Variants in HDAC9 observed in about 807,000 individuals in gnomAD.
The protein encoded by HDAC9 is histone deacetylase 9, also known as MEF-2 interacting transcription repressor (MITR) protein.
In HDAC9, 41 loss-of-function variants were observed where a neutral mutation model predicts 139.4. That is an observed-to-expected ratio of 0.29 (90% CI 0.23 to 0.38). The LOEUF (loss-of-function observed/expected upper bound fraction) is 0.38. HDAC9 is among the 10% of genes least tolerant of loss of function. The pLI is 1.00. For synonymous variants in HDAC9, 517 were observed against 476.2 expected, an observed-to-expected ratio of 1.09 and a Z score of -1.12; for missense variants, 1,147 against 1,297.0, an observed-to-expected ratio of 0.88 and a Z score of 1.78.
At chr7:18,875,692 G>A (rs1433645458) in intron 22 of HDAC9, among the ~76,000 whole-genome samples, 1 of 152,122 alleles carries the variant, frequency 6.6e-6, no homozygotes, top group Non-Finnish European at 1.5e-5. Context: ...CATGATTTTG[G>A]TAAAATTGAA....
chr7:18,787,060 T>C (rs1791886528), intron 16 of HDAC9, among the ~76,000 whole-genome samples: 1 of 152,104 alleles, frequency 6.6e-6, no homozygotes, highest in Admixed American at 6.5e-5. Flanking sequence ...TTTTAGAGGG[T>C]TTAAAATGTT....
chr7:18,228,367 A>G (rs1391326593), intron 2 of HDAC9, among the ~76,000 whole-genome samples: 3 of 151,928 alleles, frequency 2.0e-5, no homozygotes, highest in Non-Finnish European at 4.4e-5. Context: ...TGGTAGGTAC[A>G]TACTCTTTTG....
At chr7:18,740,102 T>G (rs1787308280) in intron 13 of HDAC9, among the ~76,000 whole-genome samples, 1 of 152,216 alleles carries the variant, frequency 6.6e-6, no homozygotes, top group Admixed American at 6.5e-5. Context: ...TCTCCTCGTC[T>G]GCCGATTGCT....
At chr7:18,533,501 T>G (rs1586752460) in intron 2 of HDAC9, among the ~76,000 whole-genome samples, 1 of 152,338 alleles carries the variant, frequency 6.6e-6, no homozygotes, top group East Asian at 1.9e-4. Flanking sequence ...TGACTGGGCA[T>G]AGAACCCTTG....
At chr7:18,213,510 G>A (rs541431203) in intron 2 of HDAC9, among the ~76,000 whole-genome samples, 8 of 152,150 alleles carry the variant, frequency 5.3e-5, no homozygotes, top group Admixed American at 3.9e-4. Flanking sequence ...TTTTATGATC[G>A]TATTCTTTGA....
At chr7:18,692,282 T>C (rs1562856591) in intron 12 of HDAC9, among the ~76,000 whole-genome samples, 1 of 152,098 alleles carries the variant, frequency 6.6e-6, no homozygotes, top group Non-Finnish European at 1.5e-5. Flanking sequence ...TCACATTCTA[T>C]GTAAGCTTTG....
chr7:18,414,375 T>C (rs1788851579), intron 1 of HDAC9, among the ~76,000 whole-genome samples: 1 of 151,332 alleles, frequency 6.6e-6, no homozygotes, highest in South Asian at 2.1e-4. Context: ...ACATGTCTGC[T>C]CCTTACTCAT....
intron 11 of HDAC9, among the ~76,000 whole-genome samples, chr7:18,659,124 C>T (rs767312616): frequency 6.6e-6 from 1 of 151,982 alleles, no homozygotes; most frequent in East Asian, 1.9e-4. Context: ...TGATCCTGTT[C>T]TTAGTTGATA....
chr7:18,776,038 C>A (rs906611920), intron 16 of HDAC9, among the ~76,000 whole-genome samples: 7 of 151,996 alleles, frequency 4.6e-5, no homozygotes, highest in African/African-American at 1.7e-4. Context: ...CTCCAAAGAT[C>A]CTCTTGCTTG....
At chr7:18,568,580 G>A (rs1293072144) in intron 2 of HDAC9, among the ~76,000 whole-genome samples, 1 of 152,152 alleles carries the variant, frequency 6.6e-6, no homozygotes, top group African/African-American at 2.4e-5. Context: ...TATCAATCTA[G>A]TGAAAATACT....
At chr7:18,980,784 T>C (rs1030288891) in intron 25 of HDAC9, among the ~76,000 whole-genome samples, 1 of 147,694 alleles carries the variant, frequency 6.8e-6, no homozygotes, top group Non-Finnish European at 1.5e-5. Context: ...CTTCCTCTTC[T>C]TCTTCTTCCT....
chr7:18,378,025 A>C (rs1785130078), intron 1 of HDAC9, among the ~76,000 whole-genome samples: 1 of 152,186 alleles, frequency 6.6e-6, no homozygotes, highest in Admixed American at 6.5e-5. Flanking sequence ...GTAAACCTAG[A>C]AACTTGGAAA....
Position 18,434,014 on chromosome 7 carries a change from T to C in HDAC9, c.-41-62248T>C, listed in dbSNP as rs1331547559. Among the ~76,000 whole-genome samples the C allele has an allele frequency of 6.6e-5, 10 of 152,116 alleles. 1 individual carries two copies. The highest frequency in any genetic ancestry group is 2.4e-4 in the African/African-American group (10 of 41,426). On this transcript the variant is annotated intron_variant, in intron 1 of 3. Coordinates refer to the HDAC9 transcript ENST00000413509. The stretch of plus-strand genomic sequence containing the variant: ...GAAAGCATCATTACCTGCTTTAAAC[T>C]ATGTGACAGGCTGCAGTATCCAAAA...
intron 16 of HDAC9, among the ~76,000 whole-genome samples, chr7:18,773,344 T>C (rs977034731): frequency 6.7e-6 from 1 of 150,248 alleles, no homozygotes; most frequent in African/African-American, 2.4e-5. Flanking sequence ...CCATAAGACC[T>C]ATTTTTTTAA....
intron 2 of HDAC9, among the ~76,000 whole-genome samples, chr7:18,575,663 G>A (rs1231064384): frequency 6.6e-6 from 1 of 152,204 alleles, no homozygotes. Flanking sequence ...TGCCAGAAAT[G>A]TGTTAACTTA....
intron 18 of HDAC9, 54 bp downstream of exon 18, chr7:18,829,270 C>A: frequency 5.8e-6 from 8 of 1,391,104 alleles, no homozygotes; most frequent in Non-Finnish European, 8.2e-6. Context: ...CTGGCGGTCA[C>A]CTGCCCCGTG....
intron 1 of HDAC9, among the ~76,000 whole-genome samples, chr7:18,141,781 G>T (rs1410934244): frequency 6.6e-6 from 1 of 151,770 alleles, no homozygotes; most frequent in South Asian, 2.1e-4. Flanking sequence ...CCACAATCTT[G>T]GCCCTGCTGT....
intron 1 of HDAC9, among the ~76,000 whole-genome samples, chr7:18,133,957 C>CACAT (rs1554304483): frequency 2.0e-5 from 3 of 149,374 alleles, no homozygotes; most frequent in East Asian, 2.0e-4. Context: ...CACACACACA[C>CACAT]ATCTCTAGCC....
intron 2 of HDAC9, among the ~76,000 whole-genome samples, chr7:18,273,702 T>C (rs952522454): frequency 1.3e-5 from 2 of 152,142 alleles, no homozygotes; most frequent in Non-Finnish European, 2.9e-5. Context: ...ATTATAATTA[T>C]GAATAAAAAT....
Sources: gnomAD v4.1 joint callset for allele counts (sites outside exome capture counted in the v4.1 genomes callset) on GRCh38, gnomAD v4.1.1 for gene constraint, MANE v1.5 for transcripts, NCBI Gene and HGNC (gene_info 2026-07-23, HGNC 2026-07-21) for gene names.